NTM: variants seen among roughly 807,000 people sequenced by gnomAD.
NTM encodes neurotrimin.
In NTM, 13 loss-of-function variants were observed where a neutral mutation model predicts 42.1. That is an observed-to-expected ratio of 0.31 (90% CI 0.20 to 0.49). The LOEUF (loss-of-function observed/expected upper bound fraction) is 0.49, where lower values mean the gene tolerates loss of function less well. NTM is among the 20% of genes least tolerant of loss of function. The pLI is 0.99. For missense variants in NTM, 373 were observed against 452.8 expected (o/e 0.82, Z 1.60); for synonymous variants, 187 against 179.2 (o/e 1.04, Z -0.35).
intron 1 of NTM, among the ~76,000 whole-genome samples, chr11:131,589,975 C>T (rs549947533): frequency 1.5e-4 from 23 of 152,342 alleles, no homozygotes; most frequent in African/African-American, 5.5e-4. Flanking sequence ...CAGCCACATG[C>T]CAGGATCCTC....
chr11:131,983,416 C>T (rs1593394454), intron 2 of NTM, among the ~76,000 whole-genome samples: 1 of 138,792 alleles, frequency 7.2e-6, no homozygotes, highest in African/African-American at 2.7e-5. Context: ...CGCTCTGTCT[C>T]CTAGGCCAGA....
At chr11:131,896,864 A>G (rs1227140255) in intron 1 of NTM, among the ~76,000 whole-genome samples, 4 of 151,558 alleles carry the variant, frequency 2.6e-5, no homozygotes, top group Admixed American at 1.3e-4. Context: ...AATTTTTTGT[A>G]TTTTTATTGG....
chr11:132,160,576 C>A (rs1468174209), intron 3 of NTM, among the ~76,000 whole-genome samples: 1 of 152,180 alleles, frequency 6.6e-6, no homozygotes, highest in Non-Finnish European at 1.5e-5. Context: ...AGCACGAATG[C>A]CCTAGTTACC....
chr11:131,613,607 A>T (rs1565709359), intron 1 of NTM, among the ~76,000 whole-genome samples: 1 of 152,118 alleles, frequency 6.6e-6, no homozygotes, highest in Non-Finnish European at 1.5e-5. Context: ...TTAAAATGTG[A>T]CTAATTCCAG....
intron 2 of NTM, among the ~76,000 whole-genome samples, chr11:132,051,605 C>T (rs2078863267): frequency 6.6e-6 from 1 of 152,162 alleles, no homozygotes; most frequent in Non-Finnish European, 1.5e-5. Flanking sequence ...GGACCAGCAG[C>T]CCCTAATGAT....
intron 2 of NTM, among the ~76,000 whole-genome samples, chr11:132,106,456 A>C (rs1391613855): frequency 6.6e-6 from 1 of 152,228 alleles, no homozygotes; most frequent in Non-Finnish European, 1.5e-5. Flanking sequence ...TAAAATGGTC[A>C]AACTCTCCGC....
intron 1 of NTM, among the ~76,000 whole-genome samples, chr11:131,559,024 G>A (rs1361598711): frequency 6.6e-6 from 1 of 152,220 alleles, no homozygotes; most frequent in Admixed American, 6.5e-5. Flanking sequence ...CCATGTTTCT[G>A]TGATGCTTGA....
At chr11:131,888,552 T>G (rs1372744037) in intron 1 of NTM, among the ~76,000 whole-genome samples, 1 of 152,076 alleles carries the variant, frequency 6.6e-6, no homozygotes, top group East Asian at 1.9e-4. Context: ...GACAGGTCTC[T>G]TGTGGTACCT....
intron 1 of NTM, among the ~76,000 whole-genome samples, chr11:131,801,050 A>C (rs2092065100): frequency 6.6e-6 from 1 of 152,140 alleles, no homozygotes; most frequent in South Asian, 2.1e-4. Context: ...GGTTAGAATT[A>C]ATATGTCAGA....
intron 1 of NTM, among the ~76,000 whole-genome samples, chr11:131,563,659 A>G (rs2137020171): frequency 6.7e-6 from 1 of 149,334 alleles, no homozygotes; most frequent in South Asian, 2.1e-4. Flanking sequence ...TTAGTACAAT[A>G]CCCTTGGATT....
At chr11:131,976,032 C>T (rs2064281965) in intron 2 of NTM, among the ~76,000 whole-genome samples, 3 of 152,054 alleles carry the variant, frequency 2.0e-5, no homozygotes, top group Non-Finnish European at 4.4e-5. Context: ...CAAAAAGAAC[C>T]CAGTGGCCTT....
intron 1 of NTM, among the ~76,000 whole-genome samples, chr11:131,611,168 G>A (rs1273287541): frequency 6.6e-6 from 1 of 152,194 alleles, no homozygotes; most frequent in Non-Finnish European, 1.5e-5. Context: ...TTTAGCCTTT[G>A]CACCTGAGGA....
chr11:132,316,956 C>T (rs915032971), intron 7 of NTM, among the ~76,000 whole-genome samples: 2 of 152,238 alleles, frequency 1.3e-5, no homozygotes, highest in Admixed American at 1.3e-4. Context: ...AATATACAAA[C>T]TTCTTGATGA....
At chr11:131,787,763 G>T (rs944529190) in intron 1 of NTM, among the ~76,000 whole-genome samples, 2 of 152,164 alleles carry the variant, frequency 1.3e-5, no homozygotes, top group Non-Finnish European at 2.9e-5. Flanking sequence ...GGAATTTAAA[G>T]GTTAGTTGAA....
intron 1 of NTM, among the ~76,000 whole-genome samples, chr11:131,495,167 G>GC (rs1306850243): frequency 2.6e-5 from 4 of 152,134 alleles, no homozygotes; most frequent in Non-Finnish European, 5.9e-5. Flanking sequence ...CACTTTCACT[G>GC]TTTTTGGGTC....
At chr11:131,517,419 C>T (rs1026496731) in intron 1 of NTM, among the ~76,000 whole-genome samples, 1 of 152,056 alleles carries the variant, frequency 6.6e-6, no homozygotes, top group South Asian at 2.1e-4. Flanking sequence ...GAGTGCATCC[C>T]GATGTTATAA....
At chr11:132,036,013 G>A (rs2076472260) in intron 2 of NTM, among the ~76,000 whole-genome samples, 1 of 152,054 alleles carries the variant, frequency 6.6e-6, no homozygotes, top group African/African-American at 2.4e-5. Flanking sequence ...TAATTTACAG[G>A]CTCAATCAGT....
intron 2 of NTM, among the ~76,000 whole-genome samples, chr11:132,095,313 G>T (rs941927220): frequency 1.3e-5 from 2 of 152,174 alleles, no homozygotes; most frequent in Non-Finnish European, 2.9e-5. Flanking sequence ...GTCAGCCAGA[G>T]CATTAACATC....
intron 3 of NTM, among the ~76,000 whole-genome samples, chr11:132,166,421 C>T (rs1014708419): frequency 3.9e-5 from 6 of 152,084 alleles, no homozygotes; most frequent in African/African-American, 1.4e-4. Flanking sequence ...TTTCAGGATT[C>T]TAAACTACAA....
Sources: gnomAD v4.1 joint callset for allele counts (sites outside exome capture counted in the v4.1 genomes callset) on GRCh38, gnomAD v4.1.1 for gene constraint, MANE v1.5 for transcripts, NCBI Gene and HGNC (gene_info 2026-07-23, HGNC 2026-07-21) for gene names.